The following TRIM4 variants were observed in gnomAD, a reference collection of about 807,000 sequenced individuals.
The protein encoded by TRIM4 is E3 ubiquitin-protein ligase TRIM4.
TRIM4 carries 29 observed loss-of-function variants against 33.7 expected under a neutral mutation model. That is an observed-to-expected ratio of 0.86 (90% confidence interval 0.64 to 1.17). The LOEUF (loss-of-function observed/expected upper bound fraction) is 1.17, where lower values mean the gene tolerates loss of function less well. TRIM4 is among the 50% of genes most tolerant of loss of function. The pLI is 0.00. For synonymous variants in TRIM4, 224 were observed against 233.0 expected, an observed-to-expected ratio of 0.96 and a Z score of 0.35; for missense variants, 554 against 593.7, an observed-to-expected ratio of 0.93 and a Z score of 0.69.
rs1818876715 is a variant in TRIM4 at position 99,890,814 on chromosome 7, CCT to C, written c.*1347_*1348del. On this transcript the variant is annotated 3_prime_UTR_variant, in exon 6 of 6. Coordinates refer to ENST00000349062, the MANE Select transcript of TRIM4 (RefSeq NM_033091.3). ...AATGAAATAATATGTACACCAAACC[CCT>C]GTGACATGTAATTGATCTATAGAAC... is the stretch of plus-strand genomic sequence containing the variant. 6.6e-6 allele frequency: 1 copy of C among 152,156 alleles called. No individual in the cohort carries two copies. Among genetic ancestry groups the C allele is most frequent in the African/African-American group, 2.4e-5 (1 of 41,420 alleles). 9.4% of individuals were successfully genotyped at this position (152,156 alleles called of 1,614,324 possible).
chr7:99,918,983 C>T, intron 1 of TRIM4, 26 bp downstream of exon 1: 4 of 1,576,682 alleles, frequency 2.5e-6, no homozygotes, highest in Non-Finnish European at 3.4e-6. Context: ...ACAGCCCCGT[C>T]ATAGTCACCG....
At chr7:99,899,383 C>T (rs964631092) in intron 5 of TRIM4, among the ~76,000 whole-genome samples, 1 of 152,210 alleles carries the variant, frequency 6.6e-6, no homozygotes, top group African/African-American at 2.4e-5. Flanking sequence ...TCCTGTCCAG[C>T]TGGCCATTCC....
chr7:99,910,830 C>T (rs911163936), intron 1 of TRIM4, among the ~76,000 whole-genome samples: 3 of 152,008 alleles, frequency 2.0e-5, no homozygotes, highest in African/African-American at 7.3e-5. Flanking sequence ...GGGCAGCACC[C>T]GATAGTAGGA....
At chr7:99,918,941 G>C in intron 1 of TRIM4, 68 bp downstream of exon 1, 1 of 1,491,892 alleles carries the variant, frequency 6.7e-7, no homozygotes, top group Non-Finnish European at 8.9e-7. Flanking sequence ...GCTCTTTTAG[G>C]AGCATTAAGT....
chr7:99,909,184 G>A (rs893277277), intron 2 of TRIM4, among the ~76,000 whole-genome samples: 2 of 150,490 alleles, frequency 1.3e-5, no homozygotes, highest in African/African-American at 4.9e-5. Context: ...CCATTCATCT[G>A]TTTCTTTCCA....
intron 5 of TRIM4, among the ~76,000 whole-genome samples, chr7:99,894,413 C>T (rs925125623): frequency 1.3e-5 from 2 of 152,110 alleles, no homozygotes; most frequent in African/African-American, 4.8e-5. Flanking sequence ...TGCCTGTAAT[C>T]CCAATGCTTT....
chr7:99,902,601 T>C (rs1819201308), intron 5 of TRIM4, among the ~76,000 whole-genome samples: 1 of 152,172 alleles, frequency 6.6e-6, no homozygotes, highest in Non-Finnish European at 1.5e-5. Flanking sequence ...GCACAGCTTC[T>C]AGAGCATGTA....
chr7:99,910,055 GT>G (rs1347808563), intron 1 of TRIM4, among the ~76,000 whole-genome samples: 1 of 152,052 alleles, frequency 6.6e-6, no homozygotes, highest in Non-Finnish European at 1.5e-5. Context: ...AGAGCTAAAA[GT>G]CACCTAATCA....
In TRIM4 at chr7:99,909,652, A is replaced by G; in HGVS notation, c.402T>C (p.Leu134=). Residue 134 remains leucine, a synonymous_variant, in exon 2 of 6, where the codon CTT becomes CTC. Coordinates refer to ENST00000349062, the MANE Select transcript of TRIM4 (RefSeq NM_033091.3). ...DEAFESYREK[L]LKSQRNLVAK... ...CCACGAGATTACGCTGAGACTTAAG[A>G]AGTTTCTCCTGCCAGCAGAAACACA... The G allele has an allele frequency of 1.2e-6, 2 of 1,613,344 alleles. No individual in the cohort carries two copies. The highest frequency in any genetic ancestry group is 8.5e-7 in the Non-Finnish European group (1 of 1,179,868).
In TRIM4 at chr7:99,909,157, T is replaced by TGTGTGC. The variant is rs759462306; in HGVS notation, c.490-346_490-345insGCACAC. On this transcript the variant is annotated intron_variant, in intron 2 of 5. Transcript: ENST00000349062. ...GGGTGTGTGTGTGTGTGTGTGTGTG[T>TGTGTGC]GCGTGTGTGTGTGCATCCATTCATC... 3.9e-3 allele frequency among the ~76,000 whole-genome samples: 585 copies of TGTGTGC among 150,826 alleles called. 2 individuals carry two copies. Among genetic ancestry groups the TGTGTGC allele is most frequent in the Non-Finnish European group, 7.0e-3 (475 of 67,498 alleles).
At chr7:99,893,118 C>T (rs1818934732) in intron 5 of TRIM4, among the ~76,000 whole-genome samples, 1 of 152,066 alleles carries the variant, frequency 6.6e-6, no homozygotes, top group Non-Finnish European at 1.5e-5. Context: ...AACAAAAAAA[C>T]TGGCCCGGCA....
intron 5 of TRIM4, among the ~76,000 whole-genome samples, chr7:99,894,673 A>AC (rs1563082833): frequency 1.5e-5 from 2 of 134,580 alleles, no homozygotes; most frequent in African/African-American, 5.3e-5. Context: ...TCCCCCCCCC[A>AC]AAAAAAAAAA....
chr7:99,914,419 G>A (rs559592782), intron 1 of TRIM4, among the ~76,000 whole-genome samples: 2 of 151,546 alleles, frequency 1.3e-5, no homozygotes, highest in Non-Finnish European at 2.9e-5. Context: ...GCCTCCCAAA[G>A]TGCCAGGATT....
chr7:99,893,630 C>T (rs1818946271), intron 5 of TRIM4, among the ~76,000 whole-genome samples: 1 of 152,146 alleles, frequency 6.6e-6, no homozygotes, highest in Non-Finnish European at 1.5e-5. Flanking sequence ...GAGTCCCCTC[C>T]ACCTGAACAC....
intron 3 of TRIM4, among the ~76,000 whole-genome samples, chr7:99,905,968 A>T: frequency 6.6e-6 from 1 of 152,064 alleles, no homozygotes; most frequent in Non-Finnish European, 1.5e-5. Flanking sequence ...AACATGGCAA[A>T]ACCCCGTCTC....
In TRIM4 at chr7:99,908,621, C is replaced by G. The variant is rs199977056; in HGVS notation, c.681G>C (p.Val227=). The G allele has an allele frequency of 2.5e-6, 4 of 1,613,634 alleles. No homozygotes were observed. The highest frequency in any genetic ancestry group is 1.7e-5 in the Admixed American group (1 of 59,970). ...GGGTGGGAGCCTGGCTCTTCTCCCC[C>G]ACCTCTAAGATGAGCTTCTTCAATG... is the stretch of plus-strand genomic sequence containing the variant. ...IASLKKLILE[V]GEKSQAPTLE... Residue 227 remains valine (V), a synonymous_variant, in exon 3 of 6, where the codon GTG becomes GTC. Transcript: ENST00000349062.
At chr7:99,899,763 T>G (rs536360671) in intron 5 of TRIM4, among the ~76,000 whole-genome samples, 137 of 152,252 alleles carry the variant, frequency 9.0e-4, no homozygotes, top group Non-Finnish European at 1.6e-3. Context: ...TGGGTGTGTG[T>G]GCGCACACGT....
Position 99,891,877 on chromosome 7 carries a change from G to T in TRIM4, c.*286C>A. The T allele has an allele frequency of 3.2e-6, 1 of 313,252 alleles. No individual in the cohort carries two copies. The highest frequency in any genetic ancestry group is 5.9e-6 in the Non-Finnish European group (1 of 169,832). 19.4% of individuals were successfully genotyped at this position (313,252 alleles called of 1,614,324 possible). The stretch of plus-strand genomic sequence containing the variant: ...TTCCTGTGTTCTCAGTTCCAATATG[G>T]CTGCTAACATCCATATGTCTTCCCC... On this transcript the variant is annotated 3_prime_UTR_variant, in exon 6 of 6. Transcript: ENST00000349062.
intron 2 of TRIM4, among the ~76,000 whole-genome samples, chr7:99,909,279 A>G (rs1477651937): frequency 6.6e-6 from 1 of 152,090 alleles, no homozygotes; most frequent in African/African-American, 2.4e-5. Context: ...CTTAAAGTAG[A>G]GACATGGGGA....
Sources: gnomAD v4.1 joint callset for allele counts (sites outside exome capture counted in the v4.1 genomes callset) on GRCh38, gnomAD v4.1.1 for gene constraint, MANE v1.5 for transcripts, NCBI Gene and HGNC (gene_info 2026-07-23, HGNC 2026-07-21) for gene names.